The following UST variants were observed in gnomAD, a reference collection of about 807,000 sequenced individuals.
The protein encoded by UST is chondroitin sulfate 2-O-sulfotransferase.
In UST, 21 loss-of-function variants were observed where a neutral mutation model predicts 45.6. The ratio of observed to expected loss-of-function variants is 0.46; its 90% CI spans 0.33 to 0.66. The LOEUF (loss-of-function observed/expected upper bound fraction) is 0.66, where lower values mean the gene tolerates loss of function less well. Among genes scored for constraint, UST ranks in the 30% least tolerant of loss-of-function variants. The pLI is 0.02. For synonymous variants in UST, 215 were observed against 200.6 expected, an observed-to-expected ratio of 1.07 and a Z score of -0.61; for missense variants, 463 against 512.4, an observed-to-expected ratio of 0.90 and a Z score of 0.93.
At chr6:149,043,659 G>A (rs905140665) in intron 7 of UST, among the ~76,000 whole-genome samples, 1 of 152,266 alleles carries the variant, frequency 6.6e-6, no homozygotes, top group Non-Finnish European at 1.5e-5. Flanking sequence ...ACTGGCTGCT[G>A]TCAGTCGGGA....
At chr6:148,836,222 A>C (rs957472218) in intron 1 of UST, among the ~76,000 whole-genome samples, 5 of 152,212 alleles carry the variant, frequency 3.3e-5, no homozygotes, top group African/African-American at 4.8e-5. Flanking sequence ...GCCAAAAGCC[A>C]ATGCTAATTT....
At chr6:148,993,637 G>A (rs555269562) in intron 5 of UST, among the ~76,000 whole-genome samples, 2 of 152,296 alleles carry the variant, frequency 1.3e-5, no homozygotes, top group African/African-American at 4.8e-5. Flanking sequence ...GGTGGGAAGT[G>A]ATCAGATCAT....
intron 7 of UST, among the ~76,000 whole-genome samples, chr6:149,038,211 T>A (rs1776264103): frequency 6.6e-6 from 1 of 151,828 alleles, no homozygotes; most frequent in Non-Finnish European, 1.5e-5. Context: ...TCCCCTAACG[T>A]TACCCAAGAA....
chr6:148,870,866 A>G (rs1778536363), intron 1 of UST, among the ~76,000 whole-genome samples: 1 of 151,874 alleles, frequency 6.6e-6, no homozygotes, highest in East Asian at 1.9e-4. Flanking sequence ...GACTCATCAC[A>G]CTCATAAATC....
At chr6:148,857,074 T>C (rs1401396653) in intron 1 of UST, among the ~76,000 whole-genome samples, 2 of 151,704 alleles carry the variant, frequency 1.3e-5, no homozygotes, top group Non-Finnish European at 2.9e-5. Flanking sequence ...TGTAGTAGTA[T>C]GTCATCTTAG....
intron 1 of UST, among the ~76,000 whole-genome samples, chr6:148,829,272 A>G (rs1303659762): frequency 1.3e-5 from 2 of 152,040 alleles, no homozygotes; most frequent in African/African-American, 4.8e-5. Context: ...ATGGGCGTGC[A>G]CCTCTGCACC....
chr6:148,752,084 T>C (rs906244941), intron 1 of UST, among the ~76,000 whole-genome samples: 1 of 152,236 alleles, frequency 6.6e-6, no homozygotes, highest in Non-Finnish European at 1.5e-5. Context: ...AATGGAGATA[T>C]AGAACTTTAG....
At chr6:148,893,904 G>A (rs1779069367) in intron 2 of UST, among the ~76,000 whole-genome samples, 1 of 152,160 alleles carries the variant, frequency 6.6e-6, no homozygotes, top group Non-Finnish European at 1.5e-5. Flanking sequence ...TCTAATCCGA[G>A]CACTTTTGGA....
At chr6:148,850,142 G>A (rs369184084) in intron 1 of UST, among the ~76,000 whole-genome samples, 2 of 152,020 alleles carry the variant, frequency 1.3e-5, no homozygotes, top group African/African-American at 4.8e-5. Context: ...TTCACTTTTT[G>A]AAAATTATAC....
intron 7 of UST, among the ~76,000 whole-genome samples, chr6:149,070,916 T>TGC (rs1776809906): frequency 1.3e-5 from 2 of 152,228 alleles, no homozygotes; most frequent in South Asian, 4.2e-4. Context: ...TACAGGTGCA[T>TGC]GCCACCACGC....
chr6:149,020,668 G>C (rs1172994699), intron 6 of UST, among the ~76,000 whole-genome samples: 1 of 152,092 alleles, frequency 6.6e-6, no homozygotes, highest in Non-Finnish European at 1.5e-5. Flanking sequence ...TCCCCCAAAT[G>C]ATAAATGACA....
chr6:149,004,193 A>G (rs1163389348), intron 5 of UST, among the ~76,000 whole-genome samples: 1 of 152,180 alleles, frequency 6.6e-6, no homozygotes, highest in Non-Finnish European at 1.5e-5. Flanking sequence ...TCCCCTTGTT[A>G]ACTTGGATGA....
chr6:148,803,719 C>T (rs992667862), intron 1 of UST, among the ~76,000 whole-genome samples: 7 of 152,202 alleles, frequency 4.6e-5, no homozygotes, highest in African/African-American at 1.7e-4. Flanking sequence ...AGAACTCCTT[C>T]AGTGTGGCTG....
At chr6:148,799,231 T>G (rs1777008802) in intron 1 of UST, among the ~76,000 whole-genome samples, 1 of 152,060 alleles carries the variant, frequency 6.6e-6, no homozygotes, top group South Asian at 2.1e-4. Flanking sequence ...AGAGGGAAGG[T>G]GGGCAGGCAT....
At chr6:148,816,730 C>T (rs1195976390) in intron 1 of UST, among the ~76,000 whole-genome samples, 1 of 152,056 alleles carries the variant, frequency 6.6e-6, no homozygotes, top group Non-Finnish European at 1.5e-5. Context: ...GCTATGATAT[C>T]GGAGAAACAG....
In UST at chr6:149,015,802, C is replaced by T. The variant is rs376680260; in HGVS notation, c.682-3337C>T. 3.1e-4 allele frequency among the ~76,000 whole-genome samples: 47 copies of T among 152,228 alleles called. No individual in the cohort carries two copies. The East Asian group carries it at 8.7e-3, about 28-fold the overall frequency. ...GATAAATCATGAACACCAGGGCAAC[C>T]AAATGGTCCTAGGAGACTGAAAGGC... On this transcript the variant is annotated intron_variant, in intron 5 of 7. Transcript: ENST00000367463.
chr6:148,901,751 G>T (rs190833020), intron 2 of UST, among the ~76,000 whole-genome samples: 1,916 of 152,104 alleles, frequency 0.013, 37 homozygotes, highest in African/African-American at 0.044. Flanking sequence ...AGAGATGGGG[G>T]TTTTGCCATG....
chr6:148,994,203 C>G (rs1325174913), intron 5 of UST, among the ~76,000 whole-genome samples: 1 of 151,938 alleles, frequency 6.6e-6, no homozygotes, highest in Admixed American at 6.6e-5. Context: ...AACTTCTGGC[C>G]TCAAGTGATC....
intron 1 of UST, among the ~76,000 whole-genome samples, chr6:148,886,494 C>T (rs2114842994): frequency 1.3e-5 from 2 of 152,154 alleles, no homozygotes; most frequent in Middle Eastern, 3.4e-3. Context: ...AGCAAGCTAG[C>T]CTGAAGAGAG....
Sources: gnomAD v4.1 joint callset for allele counts (sites outside exome capture counted in the v4.1 genomes callset) on GRCh38, gnomAD v4.1.1 for gene constraint, MANE v1.5 for transcripts, NCBI Gene and HGNC (gene_info 2026-07-23, HGNC 2026-07-21) for gene names.